PCDHGB7: variants seen among roughly 807,000 people sequenced by gnomAD.
PCDHGB7 encodes protocadherin gamma-B7.
In PCDHGB7, 37 loss-of-function variants were observed where a neutral mutation model predicts 61.4. The observed-to-expected ratio is 0.60, with a 90% CI of 0.46 to 0.79. The LOEUF is 0.79. PCDHGB7 is among the 30% of genes least tolerant of loss of function. PCDHGB7 has a pLI of 0.00. For missense variants in PCDHGB7, 1,166 were observed against 1,202.5 expected, an observed-to-expected ratio of 0.97 and a Z score of 0.45; for synonymous variants, 464 against 503.5, an observed-to-expected ratio of 0.92 and a Z score of 1.05.
rs946434728 is a variant in PCDHGB7, at chr5:141,428,357, C to A, written c.2415+8083C>A. On this transcript the variant is annotated intron_variant, in intron 1 of 3. Coordinates refer to ENST00000398594, the MANE Select transcript of PCDHGB7 (RefSeq NM_018927.4). ...CTCTTCTTCCTCGCAGTGATTTTGG[C>A]GGTCGCCTTGCACCTGCGATGCTCT... is the stretch of plus-strand genomic sequence containing the variant. The A allele has an allele frequency of 1.2e-5, 7 of 565,506 alleles. No individual in the cohort carries two copies. The East Asian group carries it at 2.0e-4, about 16-fold the overall frequency. The allele number at this position is 565,506 out of a possible 1,614,324, so 35.0% of individuals were successfully genotyped here.
chr5:141,484,763 T>C (rs2099600495), intron 1 of PCDHGB7, among the ~76,000 whole-genome samples: 1 of 151,872 alleles, frequency 6.6e-6, no homozygotes, highest in East Asian at 1.9e-4. Flanking sequence ...TATATATATA[T>C]ATGTTGTCTG....
At position 141,489,244 on chromosome 5, in the gene PCDHGB7, G is replaced by C. The variant is rs145484133; in HGVS notation, c.2416-5563G>C. The C allele has an allele frequency of 3.3e-6, 5 of 1,534,936 alleles. No homozygotes were observed. Among genetic ancestry groups the C allele is most frequent in the African/African-American group, 1.4e-5 (1 of 72,374 alleles). On this transcript the variant is annotated intron_variant, in intron 1 of 3. Transcript: ENST00000398594. This position sits in a 1 kb window ranked among gnomAD's most constrained non-coding sequence, Gnocchi z 4.5. ...TCCACAAAGGGACTTCTGGGTCATGGGGCCCAAGACACTCCCACAGCTCGC... is the reference window on the plus strand; with the variant it reads ...TCCACAAAGGGACTTCTGGGTCATGCGGCCCAAGACACTCCCACAGCTCGC...
At chr5:141,484,598 T>C (rs2099598059) in intron 1 of PCDHGB7, among the ~76,000 whole-genome samples, 1 of 152,080 alleles carries the variant, frequency 6.6e-6, no homozygotes, top group Non-Finnish European at 1.5e-5. Flanking sequence ...TCATTTAGAA[T>C]ACTGGTTGAT....
Position 141,420,078 on chromosome 5 carries a change from C to T in PCDHGB7, c.2219C>T (p.Pro740Leu), listed in dbSNP as rs764695314. The change falls in exon 1 of 4, where the codon CCC becomes CTC. Residue 740 changes from proline to leucine, a missense_variant. Pro to Leu is a moderately conservative substitution (Grantham distance 98). Coordinates refer to ENST00000398594, the MANE Select transcript of PCDHGB7 (RefSeq NM_018927.4). ...TGCTCCAAGTCCGGACCTGTGGGTC[C>T]CCCCAACTACAGTGAGGGAACGTTG... Reference protein sequence around the residue: ...VLCSKSGPVGPPNYSEGTLPY... With the variant: ...VLCSKSGPVGLPNYSEGTLPY... The T allele has an allele frequency of 6.2e-7, 1 of 1,614,008 alleles. No individual in the cohort carries two copies. Among genetic ancestry groups the T allele is most frequent in the Non-Finnish European group, 8.5e-7 (1 of 1,179,864 alleles).
intron 3 of PCDHGB7, among the ~76,000 whole-genome samples, chr5:141,508,579 G>A (rs569867127): frequency 6.6e-6 from 1 of 152,234 alleles, no homozygotes; most frequent in East Asian, 1.9e-4. Flanking sequence ...ACCCACTCGG[G>A]GTGCTACTCA....
intron 1 of PCDHGB7, chr5:141,440,448 A>G (rs2098178859): frequency 6.6e-6 from 1 of 152,168 alleles, no homozygotes; most frequent in East Asian, 1.9e-4. Context: ...CGCCATCTCA[A>G]AAAAAATGAA....
In PCDHGB7 at chr5:141,419,057, A is replaced by T; in HGVS notation, c.1198A>T (p.Asn400Tyr). ...ATTTAAGATTCATTCTTCTTCTAAT[A>T]ATTACTACAAGCTAGTAACAGATGA... ...VPFKIHSSSN[N>Y]YYKLVTDEAL... is the part of the protein sequence containing the mutation. The change falls in exon 1 of 4, where the codon AAT (asparagine) becomes TAT (tyrosine). Residue 400 changes from asparagine to tyrosine, a missense_variant. Physicochemically the swap from Asn to Tyr is moderately radical, Grantham distance 143 (BLOSUM62 -2). Coordinates refer to ENST00000398594, the MANE Select transcript of PCDHGB7 (RefSeq NM_018927.4). 6.2e-7 allele frequency: 1 copy of T among 1,613,900 alleles called. No individual in the cohort carries two copies. The highest frequency in any genetic ancestry group is 2.2e-5 in the East Asian group (1 of 44,880).
chr5:141,434,802 G>A (rs1009500775), intron 1 of PCDHGB7, among the ~76,000 whole-genome samples: 10 of 151,488 alleles, frequency 6.6e-5, no homozygotes, highest in African/African-American at 2.4e-4. Flanking sequence ...TTCTGAGCTT[G>A]GAGAAATATA....
intron 1 of PCDHGB7, among the ~76,000 whole-genome samples, chr5:141,463,725 C>A (rs1259646105): frequency 6.6e-6 from 1 of 152,026 alleles, no homozygotes. Flanking sequence ...GGATTACAGG[C>A]ATGAGCCACC....
chr5:141,501,130 G>C (rs528942194), intron 2 of PCDHGB7, among the ~76,000 whole-genome samples: 1 of 152,218 alleles, frequency 6.6e-6, no homozygotes, highest in South Asian at 2.1e-4. Flanking sequence ...GCCTCCCTAA[G>C]TGCTGGGATT....
In PCDHGB7 at chr5:141,432,916, G is replaced by C; in HGVS notation, c.2415+12642G>C. ...TGCTGGCGCTCAGGCTGCGGCGCTG[G>C]CACAAGTCACGCCTGCTGCAGGCTT... On this transcript the variant is annotated intron_variant, in intron 1 of 3. Coordinates refer to ENST00000398594, the MANE Select transcript of PCDHGB7 (RefSeq NM_018927.4). The surrounding 1 kb of genome is among the most constrained non-coding windows in gnomAD (Gnocchi z 6.0). 1 of 1,614,196 alleles carries C rather than the reference G, an allele frequency of 6.2e-7. No homozygotes were observed. The highest frequency in any genetic ancestry group is 8.5e-7 in the Non-Finnish European group (1 of 1,180,040).
intron 2 of PCDHGB7, among the ~76,000 whole-genome samples, chr5:141,496,392 C>T (rs6879760): frequency 0.064 from 9,762 of 152,240 alleles, 510 homozygotes; most frequent in African/African-American, 0.15. Context: ...CCTTACCCTA[C>T]CTCCTCAATG....
chr5:141,458,463 C>T (rs749353395), intron 1 of PCDHGB7, among the ~76,000 whole-genome samples: 15 of 151,844 alleles, frequency 9.9e-5, no homozygotes, highest in Admixed American at 8.5e-4. Flanking sequence ...TTTAAAATAC[C>T]GTACAACTGC....
chr5:141,497,122 G>A (rs1407489807), intron 2 of PCDHGB7, among the ~76,000 whole-genome samples: 1 of 151,992 alleles, frequency 6.6e-6, no homozygotes, highest in East Asian at 1.9e-4. Flanking sequence ...GAAGGCAGAG[G>A]TTGCAGTGAG....
chr5:141,438,619 TATATATATATATATATACACAC>T (rs1408639052), intron 1 of PCDHGB7, among the ~76,000 whole-genome samples: 61 of 39,666 alleles, frequency 1.5e-3, no homozygotes, highest in African/African-American at 9.2e-3. Context: ...TATATATATA[TATATATATATATATATACACAC>T]ACACACACAC....
intron 1 of PCDHGB7, chr5:141,423,752 G>GC: frequency 1.6e-6 from 1 of 644,956 alleles, no homozygotes; most frequent in East Asian, 1.1e-4. Context: ...AAACTGTTTG[G>GC]GGGGGGGGTG....
At position 141,423,418 on chromosome 5, in the gene PCDHGB7, G is replaced by T. The variant is rs1236092057; in HGVS notation, c.2415+3144G>T. On this transcript the variant is annotated intron_variant, in intron 1 of 3. Transcript: ENST00000398594. ...GTCACGCCTGCTGCAGGCTTCTGAAGGCGGGTTGGCAGGTATGCCCACGTC... is the reference window on the plus strand; with the variant it reads ...GTCACGCCTGCTGCAGGCTTCTGAATGCGGGTTGGCAGGTATGCCCACGTC... 1.2e-6 allele frequency: 2 copies of T among 1,614,022 alleles called. No individual in the cohort carries two copies. Among genetic ancestry groups the T allele is most frequent in the South Asian group, 1.1e-5 (1 of 91,088 alleles).
In PCDHGB7 at chr5:141,420,050, C is replaced by T; in HGVS notation, c.2191C>T (p.Leu731Phe). The change falls in exon 1 of 4, where the codon CTC becomes TTC. Residue 731 changes from leucine (L) to phenylalanine (F), a missense_variant. Leu to Phe is a conservative substitution (Grantham distance 22). Coordinates refer to ENST00000398594, the MANE Select transcript of PCDHGB7 (RefSeq NM_018927.4). ...PTAGDCFESV[L>F]CSKSGPVGPP... ...TGCAGGAGACTGCTTTGAGTCAGTT[C>T]TCTGCTCCAAGTCCGGACCTGTGGG... 6.2e-7 allele frequency: 1 copy of T among 1,614,076 alleles called. No homozygotes were observed. Among genetic ancestry groups the T allele is most frequent in the Non-Finnish European group, 8.5e-7 (1 of 1,179,904 alleles).
intron 2 of PCDHGB7, among the ~76,000 whole-genome samples, chr5:141,499,146 C>T (rs1415999012): frequency 1.3e-5 from 2 of 152,132 alleles, no homozygotes; most frequent in African/African-American, 4.8e-5. Flanking sequence ...GTGTCTGATC[C>T]CAATAGCTGT....
Sources: allele counts gnomAD v4.1 joint callset (sites outside exome capture counted in the v4.1 genomes callset), GRCh38; gene constraint gnomAD v4.1.1; non-coding constraint Gnocchi (gnomAD v3.1); transcripts MANE v1.5; gene names NCBI Gene and HGNC (gene_info 2026-07-23, HGNC 2026-07-21).